The following RBM6 variants were observed in gnomAD, a reference collection of about 807,000 sequenced individuals.
RBM6 encodes the protein RNA binding motif protein 6.
RBM6 carries 23 observed loss-of-function variants against 140.4 expected under a neutral mutation model. The observed-to-expected ratio is 0.16, with a 90% CI of 0.12 to 0.23. The LOEUF is 0.23. RBM6 is among the 10% of genes least tolerant of loss of function. The probability of loss-of-function intolerance (pLI) is 1.00; values close to 1 mark genes in which losing one functional copy is unlikely to be tolerated. For synonymous variants in RBM6, 439 were observed against 475.6 expected (o/e 0.92, Z 1.00); for missense variants, 1,139 against 1,386.7 (o/e 0.82, Z 2.84).
At chr3:50,053,456 G>A (rs984340645) in intron 7 of RBM6, among the ~76,000 whole-genome samples, 6 of 152,112 alleles carry the variant, frequency 3.9e-5, no homozygotes, top group South Asian at 2.1e-4. Flanking sequence ...GCTTGAACCC[G>A]GGAGGTGGAG....
At chr3:50,035,912 A>G (rs2088510138) in intron 6 of RBM6, among the ~76,000 whole-genome samples, 1 of 151,838 alleles carries the variant, frequency 6.6e-6, no homozygotes, top group South Asian at 2.1e-4. Flanking sequence ...GGTGCCCACC[A>G]CCATGTCTGG....
At chr3:49,956,121 C>T (rs977602178) in intron 1 of RBM6, among the ~76,000 whole-genome samples, 3 of 151,216 alleles carry the variant, frequency 2.0e-5, no homozygotes, top group African/African-American at 7.3e-5. Flanking sequence ...ACTTTGGGCT[C>T]AAGTGATCCT....
At chr3:50,000,050 C>T (rs898333884) in intron 6 of RBM6, among the ~76,000 whole-genome samples, 18 of 152,048 alleles carry the variant, frequency 1.2e-4, no homozygotes, top group Non-Finnish European at 2.1e-4. Flanking sequence ...TGTTTTTTGC[C>T]AATTGGAGTT....
intron 4 of RBM6, 62 bp from the exon 5 acceptor site, chr3:49,975,261 A>G: frequency 2.2e-6 from 3 of 1,360,940 alleles, no homozygotes; most frequent in Non-Finnish European, 3.1e-6. Flanking sequence ...TGTTAGGGAA[A>G]ATCTGATATT....
chr3:49,955,604 A>G (rs2083944659), intron 1 of RBM6, among the ~76,000 whole-genome samples: 2 of 152,006 alleles, frequency 1.3e-5, no homozygotes, highest in Non-Finnish European at 2.9e-5. Context: ...GCCCTTTGGG[A>G]GGCTGAGGCG....
At position 50,057,920 on chromosome 3, in the gene RBM6, C is replaced by T; in HGVS notation, c.1886C>T (p.Ser629Phe). 6.2e-7 allele frequency: 1 copy of T among 1,614,162 alleles called. No individual in the cohort carries two copies. The highest frequency in any genetic ancestry group is 1.3e-5 in the African/African-American group (1 of 75,048). ...KREAERYLPP[S>F]RREGPTFRRD... ...GAAGCAGAAAGGTATCTGCCTCCTT[C>T]TCGAAGGGAAGGGCCAACTTTCCGA... Residue 629 changes from serine to phenylalanine, a missense_variant, in exon 9 of 21, where the codon TCT (serine) becomes TTT (phenylalanine). By Grantham distance (155) the Ser-to-Phe change is radical (BLOSUM62 -2). Around this residue, in one of 9 missense-constraint regions of RBM6, gnomAD observed 109 missense variants for 101.9 expected, o/e 1.07. Coordinates refer to ENST00000266022, the MANE Select transcript of RBM6 (RefSeq NM_005777.3).
chr3:49,954,236 G>C (rs1024513244), intron 1 of RBM6, among the ~76,000 whole-genome samples: 35 of 151,814 alleles, frequency 2.3e-4, no homozygotes, highest in Admixed American at 2.0e-4. Flanking sequence ...TCAGGAGATC[G>C]AGACCACCCT....
intron 2 of RBM6, among the ~76,000 whole-genome samples, chr3:49,966,413 A>G (rs922743949): frequency 3.3e-5 from 5 of 152,140 alleles, no homozygotes; most frequent in African/African-American, 9.7e-5. Flanking sequence ...GCCTACTTAA[A>G]CTAGTTTAGG....
rs183845938 is a variant in RBM6 at position 49,962,487 on chromosome 3, G to A, written c.-66-89G>A. ...GACCTTCAAAATTATTGCTGCTGAT[G>A]TGGTCCCTCATAAACCAAGCAGTGG... On this transcript the variant is annotated intron_variant, in intron 1 of 20. Coordinates refer to ENST00000266022, the MANE Select transcript of RBM6 (RefSeq NM_005777.3). The A allele has an allele frequency of 8.6e-4, 550 of 642,990 alleles. 1 individual carries two copies. The African/African-American group carries it at 9.1e-3, about 11-fold the overall frequency. The allele number at this position is 642,990 out of a possible 1,614,324, so 39.8% of individuals were successfully genotyped here.
At chr3:49,950,916 T>C (rs1038737427) in intron 1 of RBM6, among the ~76,000 whole-genome samples, 1 of 152,190 alleles carries the variant, frequency 6.6e-6, no homozygotes, top group African/African-American at 2.4e-5. Context: ...AACAGCGTTA[T>C]TCACATTAGC....
At chr3:50,036,532 AAAGTT>A (rs902493656) in intron 6 of RBM6, among the ~76,000 whole-genome samples, 3 of 152,228 alleles carry the variant, frequency 2.0e-5, no homozygotes, top group Admixed American at 1.3e-4. Flanking sequence ...TAAAAAAAAA[AAAGTT>A]AAGATATTAT....
chr3:50,019,282 T>G (rs1022220106), intron 6 of RBM6, among the ~76,000 whole-genome samples: 8 of 152,166 alleles, frequency 5.3e-5, no homozygotes, highest in African/African-American at 1.9e-4. Context: ...CGCCTTGGCC[T>G]CCTGAATTGC....
chr3:49,961,218 C>T (rs1225429199), intron 1 of RBM6, among the ~76,000 whole-genome samples: 1 of 152,110 alleles, frequency 6.6e-6, no homozygotes, highest in African/African-American at 2.4e-5. Context: ...GCTGGGATTA[C>T]AGGTGCCTGC....
At chr3:50,059,944 G>A (rs1559643688) in intron 11 of RBM6, among the ~76,000 whole-genome samples, 198 bp downstream of exon 11, 2 of 152,132 alleles carry the variant, frequency 1.3e-5, no homozygotes, top group Non-Finnish European at 2.9e-5. Context: ...AATAATACTA[G>A]GTACTTTTGT....
chr3:49,959,329 C>T (rs1051801198), intron 1 of RBM6, among the ~76,000 whole-genome samples: 33 of 149,142 alleles, frequency 2.2e-4, no homozygotes, highest in Admixed American at 2.0e-3. Context: ...GCTGGGACTA[C>T]AGGTGCCCGC....
intron 6 of RBM6, among the ~76,000 whole-genome samples, chr3:50,007,435 A>G (rs2086634611): frequency 6.6e-6 from 1 of 151,726 alleles, no homozygotes; most frequent in African/African-American, 2.4e-5. Context: ...CGATCTGCCT[A>G]CCTCAGCCTC....
chr3:50,026,146 A>G (rs1160562760), intron 6 of RBM6, among the ~76,000 whole-genome samples: 2 of 151,018 alleles, frequency 1.3e-5, no homozygotes, highest in African/African-American at 2.4e-5. Context: ...GTGCAGTGGC[A>G]CGATCTCGGC....
At position 49,972,259 on chromosome 3, in the gene RBM6, T is replaced by C. The variant is rs982966421; in HGVS notation, c.1413+111T>C. ...AGGTGCAAAGAAATGCACAGAGAAG[T>C]CTTGTGTATTTTTTTCCCATCTTCC... On this transcript the variant is annotated intron_variant, in intron 4 of 20. Coordinates refer to ENST00000266022, the MANE Select transcript of RBM6 (RefSeq NM_005777.3). 9 of 809,988 alleles carry C rather than the reference T, an allele frequency of 1.1e-5. No individual in the cohort carries two copies. In the African/African-American group the frequency reaches 1.6e-4, roughly 14 times the overall value. 50.2% of individuals were successfully genotyped at this position (809,988 alleles called of 1,614,324 possible).
chr3:50,000,134 A>G (rs2086256164), intron 6 of RBM6, among the ~76,000 whole-genome samples: 1 of 152,142 alleles, frequency 6.6e-6, no homozygotes, highest in African/African-American at 2.4e-5. Flanking sequence ...CGTTTGAACT[A>G]TCTGGAGTTA....
Sources: allele counts gnomAD v4.1 joint callset (sites outside exome capture counted in the v4.1 genomes callset), GRCh38; gene constraint gnomAD v4.1.1; regional missense constraint gnomAD v4.1.1; transcripts MANE v1.5; gene names NCBI Gene and HGNC (gene_info 2026-07-23, HGNC 2026-07-21).